BMPR1B: variants seen among roughly 807,000 people sequenced by gnomAD.
The protein encoded by BMPR1B is bone morphogenetic protein receptor type 1B.
In BMPR1B, 12 loss-of-function variants were observed where a neutral mutation model predicts 59.1. The ratio of observed to expected loss-of-function variants is 0.20; its 90% CI spans 0.13 to 0.33. BMPR1B has a LOEUF of 0.33. Ranked by LOEUF, BMPR1B falls within the 10% of genes least tolerant of loss-of-function variation. The pLI is 1.00. For missense variants in BMPR1B, 550 were observed against 610.9 expected (o/e 0.90, Z 1.05); for synonymous variants, 237 against 207.3 (o/e 1.14, Z -1.23).
intron 1 of BMPR1B, among the ~76,000 whole-genome samples, chr4:94,869,371 T>C (rs979013167): frequency 1.3e-5 from 2 of 152,192 alleles, no homozygotes; most frequent in African/African-American, 4.8e-5. Flanking sequence ...CCTGTGATGC[T>C]AAAATTTCTT....
At chr4:95,154,521 C>G (rs1735272613) in intron 12 of BMPR1B, 27 bp from the exon 13 acceptor site, 3 of 1,613,934 alleles carry the variant, frequency 1.9e-6, no homozygotes, top group Non-Finnish European at 2.5e-6. Context: ...GCAGATGATA[C>G]ATTTTTCTAA....
intron 2 of BMPR1B, among the ~76,000 whole-genome samples, chr4:94,977,168 C>G (rs1387446372): frequency 6.6e-6 from 1 of 152,200 alleles, no homozygotes; most frequent in African/African-American, 2.4e-5. Context: ...CAGAGATTCC[C>G]TGTGAGGCTG....
chr4:94,989,521 ATAGAG>A (rs1483097335), intron 2 of BMPR1B, among the ~76,000 whole-genome samples: 13 of 152,196 alleles, frequency 8.5e-5, no homozygotes, highest in African/African-American at 2.4e-4. Flanking sequence ...CATTGATCTG[ATAGAG>A]TATTTTATTA....
chr4:94,931,243 G>C (rs1729081659), intron 2 of BMPR1B, among the ~76,000 whole-genome samples: 1 of 151,884 alleles, frequency 6.6e-6, no homozygotes, highest in Middle Eastern at 3.2e-3. Context: ...TGAACCCCTA[G>C]GATTTTTAAA....
chr4:94,782,616 C>T (rs1339247324), intron 1 of BMPR1B, among the ~76,000 whole-genome samples: 1 of 152,074 alleles, frequency 6.6e-6, no homozygotes, highest in Non-Finnish European at 1.5e-5. Context: ...AGTTACTATA[C>T]TTTTTATCTC....
At chr4:94,978,154 T>C (rs555330562) in intron 2 of BMPR1B, among the ~76,000 whole-genome samples, 1 of 152,112 alleles carries the variant, frequency 6.6e-6, no homozygotes, top group East Asian at 1.9e-4. Context: ...GTTTTGAGTA[T>C]TTTTTTTATT....
At chr4:95,125,248 T>A (rs1732824812) in intron 8 of BMPR1B, 127 bp downstream of exon 8, 2 of 1,239,244 alleles carry the variant, frequency 1.6e-6, no homozygotes, top group South Asian at 1.3e-5. Flanking sequence ...CTGTTGGACA[T>A]CCGATCTCAG....
At chr4:95,044,413 T>C (rs1272141999) in intron 3 of BMPR1B, among the ~76,000 whole-genome samples, 1 of 152,188 alleles carries the variant, frequency 6.6e-6, no homozygotes, top group African/African-American at 2.4e-5. Context: ...TCCTGCCTGC[T>C]CTCCATGAGT....
intron 3 of BMPR1B, among the ~76,000 whole-genome samples, chr4:95,004,401 T>C (rs984908580): frequency 8.5e-5 from 13 of 152,206 alleles, no homozygotes; most frequent in African/African-American, 3.1e-4. Flanking sequence ...AAATTACACC[T>C]TATAGTTGAT....
At chr4:94,860,427 A>T (rs527370907) in intron 1 of BMPR1B, among the ~76,000 whole-genome samples, 1 of 152,260 alleles carries the variant, frequency 6.6e-6, no homozygotes, top group South Asian at 2.1e-4. Context: ...GATGATAAGG[A>T]TTGCTTCTTA....
At chr4:94,761,787 GAGAT>G (rs1721783370) in intron 1 of BMPR1B, among the ~76,000 whole-genome samples, 1 of 152,094 alleles carries the variant, frequency 6.6e-6, no homozygotes, top group Admixed American at 6.5e-5. Context: ...TTTTGCCTTA[GAGAT>G]ACTATTAATA....
At chr4:94,828,856 G>C (rs1487694111) in intron 1 of BMPR1B, among the ~76,000 whole-genome samples, 1 of 152,012 alleles carries the variant, frequency 6.6e-6, no homozygotes, top group African/African-American at 2.4e-5. Flanking sequence ...GGGTTTCCTG[G>C]AACATAGTTT....
At chr4:94,931,203 A>G (rs905358916) in intron 2 of BMPR1B, among the ~76,000 whole-genome samples, 1 of 152,122 alleles carries the variant, frequency 6.6e-6, no homozygotes, top group Non-Finnish European at 1.5e-5. Flanking sequence ...GGACAAATGC[A>G]TTTTTAAAAA....
chr4:94,920,723 T>C (rs531213634), intron 2 of BMPR1B, among the ~76,000 whole-genome samples: 42 of 152,310 alleles, frequency 2.8e-4, no homozygotes, highest in Non-Finnish European at 5.0e-4. Context: ...TTTTAAATAG[T>C]GACCCCTATT....
chr4:94,898,414 C>T (rs147155672), intron 2 of BMPR1B, among the ~76,000 whole-genome samples: 2,257 of 152,144 alleles, frequency 0.015, 58 homozygotes, highest in African/African-American at 0.05. Context: ...ACGGGAGGCA[C>T]CTCATGGGAC....
At chr4:95,128,425 A>G (rs1733060481) in intron 8 of BMPR1B, among the ~76,000 whole-genome samples, 1 of 152,226 alleles carries the variant, frequency 6.6e-6, no homozygotes, top group Admixed American at 6.5e-5. Flanking sequence ...TCTAAATTAT[A>G]TAAATTGTAA....
At chr4:94,887,448 T>C (rs1481029288) in intron 2 of BMPR1B, among the ~76,000 whole-genome samples, 2 of 130,322 alleles carry the variant, frequency 1.5e-5, no homozygotes, top group Non-Finnish European at 3.2e-5. Context: ...AAACTGTGTC[T>C]ACATTCTAAA....
At chr4:94,761,196 TA>T (rs1721749153) in intron 1 of BMPR1B, among the ~76,000 whole-genome samples, 2 of 152,334 alleles carry the variant, frequency 1.3e-5, no homozygotes, top group South Asian at 4.1e-4. Context: ...TGTCATCCAA[TA>T]AAAGCCGTGC....
intron 2 of BMPR1B, among the ~76,000 whole-genome samples, chr4:94,902,241 CACACACACAGAGAGAGAGAG>C (rs1560539113): frequency 1.0e-5 from 1 of 97,766 alleles, no homozygotes; most frequent in Non-Finnish European, 2.1e-5. Context: ...CACACACACA[CACACACACAGAGAGAGAGAG>C]AGAGAGAGAG....
Sources: allele counts gnomAD v4.1 joint callset (sites outside exome capture counted in the v4.1 genomes callset), GRCh38; gene constraint gnomAD v4.1.1; transcripts MANE v1.5; gene names NCBI Gene and HGNC (gene_info 2026-07-23, HGNC 2026-07-21).